Variants in OLA1 observed in about 807,000 individuals in gnomAD.
OLA1 encodes obg-like ATPase 1.
A neutral mutation model predicts 48.4 loss-of-function variants in OLA1; 14 were observed. That is an observed-to-expected ratio of 0.29 (90% confidence interval 0.19 to 0.45). The LOEUF is 0.45. Among genes scored for constraint, OLA1 ranks in the 20% least tolerant of loss-of-function variants. The pLI, the probability that OLA1 is intolerant of heterozygous loss-of-function variation, is 1.00. For synonymous variants in OLA1, 127 were observed against 150.4 expected (o/e 0.84, Z 1.14); for missense variants, 325 against 467.1 (o/e 0.70, Z 2.80).
At chr2:174,180,927 A>C (rs1687518837) in intron 4 of OLA1, among the ~76,000 whole-genome samples, 1 of 152,244 alleles carries the variant, frequency 6.6e-6, no homozygotes, top group African/African-American at 2.4e-5. Context: ...CCTTTGACTC[A>C]GTACTTTTAG....
chr2:174,227,653 G>A (rs1305742537), intron 3 of OLA1, among the ~76,000 whole-genome samples: 1 of 152,136 alleles, frequency 6.6e-6, no homozygotes, highest in Non-Finnish European at 1.5e-5. Context: ...GCCAATCTGA[G>A]GGATATAATT....
chr2:174,133,498 T>C (rs759044119), intron 5 of OLA1, among the ~76,000 whole-genome samples: 6 of 152,180 alleles, frequency 3.9e-5, no homozygotes, highest in Non-Finnish European at 7.3e-5. Context: ...GTAGCTGGGA[T>C]TACAGGCATG....
chr2:174,189,095 T>C (rs1299388854), intron 4 of OLA1, among the ~76,000 whole-genome samples: 1 of 152,092 alleles, frequency 6.6e-6, no homozygotes, highest in East Asian at 1.9e-4. Context: ...CTCAAATCCA[T>C]AAATATAGAC....
In OLA1 at chr2:174,226,211, A is replaced by G. The variant is rs1355040122; in HGVS notation, c.246-3051T>C. Reference sequence around the variant, plus strand: ...GAGACTCCGTCTCAAAAAAAAAAAAAAAAAAAGAAAATGAGCTTCTCAATT... The same window carrying G: ...GAGACTCCGTCTCAAAAAAAAAAAAGAAAAAAGAAAATGAGCTTCTCAATT... On this transcript the variant is annotated intron_variant, in intron 3 of 10. Coordinates refer to ENST00000284719, the MANE Select transcript of OLA1 (RefSeq NM_013341.5). 7.5e-5 allele frequency among the ~76,000 whole-genome samples: 3 copies of G among 39,968 alleles called. 1 individual carries two copies. Among genetic ancestry groups the G allele is most frequent in the Non-Finnish European group, 1.6e-4 (3 of 18,838 alleles). 26.2% of individuals were successfully genotyped at this position (39,968 alleles called of 152,430 possible). A position where few individuals can be genotyped will look rare whatever the true frequency, so the allele number is the denominator to read the frequency against.
chr2:174,163,950 T>C (rs1314117316), intron 4 of OLA1, among the ~76,000 whole-genome samples: 1 of 151,488 alleles, frequency 6.6e-6, no homozygotes, highest in Non-Finnish European at 1.5e-5. Flanking sequence ...CATCTTGAAT[T>C]GTAGTACCCA....
At chr2:174,142,344 C>A (rs187232705) in intron 4 of OLA1, among the ~76,000 whole-genome samples, 1 of 152,212 alleles carries the variant, frequency 6.6e-6, no homozygotes, top group Non-Finnish European at 1.5e-5. Flanking sequence ...CTAAACTGCA[C>A]TATTAGGGTT....
At chr2:174,133,507 T>C (rs1043016484) in intron 5 of OLA1, among the ~76,000 whole-genome samples, 20 of 152,204 alleles carry the variant, frequency 1.3e-4, no homozygotes, top group African/African-American at 4.8e-4. Context: ...ATTACAGGCA[T>C]GTGCCAGAAT....
At chr2:174,077,430 T>C (rs1684770538) in intron 10 of OLA1, among the ~76,000 whole-genome samples, 1 of 152,152 alleles carries the variant, frequency 6.6e-6, no homozygotes, top group African/African-American at 2.4e-5. Flanking sequence ...AGTAAACATT[T>C]GTTGAATAAA....
At chr2:174,231,530 C>T (rs1341261552) in intron 2 of OLA1, among the ~76,000 whole-genome samples, 1 of 151,912 alleles carries the variant, frequency 6.6e-6, no homozygotes, top group Non-Finnish European at 1.5e-5. Context: ...TATTTTATAT[C>T]GTCTACCTGG....
At chr2:174,133,874 A>T (rs539740974) in intron 5 of OLA1, among the ~76,000 whole-genome samples, 2 of 152,354 alleles carry the variant, frequency 1.3e-5, no homozygotes, top group East Asian at 3.9e-4. Context: ...CTCTATCTAG[A>T]TCCAAAACAT....
intron 7 of OLA1, among the ~76,000 whole-genome samples, chr2:174,088,733 G>C (rs545077037): frequency 1.3e-5 from 2 of 152,080 alleles, no homozygotes; most frequent in Non-Finnish European, 2.9e-5. Context: ...AGCTAAGGCC[G>C]GGCTTGGTGG....
intron 8 of OLA1, 87 bp downstream of exon 8, chr2:174,081,837 C>T: frequency 8.0e-7 from 1 of 1,253,986 alleles, no homozygotes; most frequent in Non-Finnish European, 1.1e-6. Context: ...ATTACTCTGT[C>T]ATTTATTATT....
At chr2:174,200,627 G>A (rs561886308) in intron 4 of OLA1, among the ~76,000 whole-genome samples, 2 of 152,148 alleles carry the variant, frequency 1.3e-5, no homozygotes, top group South Asian at 2.1e-4. Flanking sequence ...TGCAATGGAC[G>A]GACACATAAC....
In OLA1 at chr2:174,113,763, G is replaced by A. The variant is rs138271231; in HGVS notation, c.728+9417C>T. ...TTCTGGAGATTCACAAACATATCTT[G>A]TACTGTCGCTTAGCTGTCAGTCATC... On this transcript the variant is annotated intron_variant, in intron 7 of 10. Coordinates refer to ENST00000284719, the MANE Select transcript of OLA1 (RefSeq NM_013341.5). 2.2e-4 allele frequency among the ~76,000 whole-genome samples: 33 copies of A among 152,246 alleles called. No individual in the cohort carries two copies. In the East Asian group the frequency reaches 6.0e-3, roughly 28 times the overall value.
intron 4 of OLA1, among the ~76,000 whole-genome samples, chr2:174,166,279 A>G (rs1273314844): frequency 1.3e-5 from 2 of 152,204 alleles, no homozygotes; most frequent in African/African-American, 4.8e-5. Flanking sequence ...TACAAGTGGG[A>G]CCAAAATTTA....
intron 5 of OLA1, among the ~76,000 whole-genome samples, chr2:174,128,155 G>A (rs139296202): frequency 6.6e-6 from 1 of 152,076 alleles, no homozygotes; most frequent in East Asian, 1.9e-4. Context: ...CATTTTGGGA[G>A]GCTGAGGCAG....
Position 174,073,893 on chromosome 2 carries a change from TA to T in OLA1, c.*1532del, listed in dbSNP as rs1049096389. ...TTTTATTTGTTTTATTTAGTTCTTT[TA>T]AAAAACCCTTCATTAGTTTTATTCT... On this transcript the variant is annotated 3_prime_UTR_variant, in exon 11 of 11. Coordinates refer to ENST00000284719, the MANE Select transcript of OLA1 (RefSeq NM_013341.5). 9 of 152,192 alleles carry T rather than the reference TA, an allele frequency of 5.9e-5. No individual in the cohort carries two copies. Among genetic ancestry groups the T allele is most frequent in the African/African-American group, 2.2e-4 (9 of 41,446 alleles). The allele number at this position is 152,192 out of a possible 1,614,324, so 9.4% of individuals were successfully genotyped here. A position where few individuals can be genotyped will look rare whatever the true frequency, so the allele number is the denominator to read the frequency against.
intron 3 of OLA1, 102 bp downstream of exon 3, chr2:174,229,206 T>C: frequency 8.2e-7 from 1 of 1,216,112 alleles, no homozygotes; most frequent in Non-Finnish European, 1.2e-6. Context: ...CCCAAAACAA[T>C]AATGCTACAT....
intron 10 of OLA1, 40 bp from the exon 11 acceptor site, chr2:174,075,567 A>G (rs772766663): frequency 8.6e-7 from 1 of 1,161,218 alleles, no homozygotes; most frequent in African/African-American, 1.5e-5. Context: ...TTATTAGTTT[A>G]CAACTAAATA....
Sources: gnomAD v4.1 joint callset for allele counts (sites outside exome capture counted in the v4.1 genomes callset) on GRCh38, gnomAD v4.1.1 for gene constraint, MANE v1.5 for transcripts, NCBI Gene and HGNC (gene_info 2026-07-23, HGNC 2026-07-21) for gene names.